Variants in SETD1B observed in about 807,000 individuals in gnomAD.
The protein encoded by SETD1B is SET domain containing 1B, histone lysine methyltransferase.
SETD1B carries 7 observed loss-of-function variants against 148.0 expected under a neutral mutation model. The ratio of observed to expected loss-of-function variants is 0.05; its 90% CI spans 0.03 to 0.09. The LOEUF is 0.09. SETD1B is among the 10% of genes least tolerant of loss of function. SETD1B has a pLI of 1.00. For synonymous variants in SETD1B, 1,361 were observed against 1,186.5 expected (o/e 1.15, Z -3.02); for missense variants, 2,155 against 2,729.9 (o/e 0.79, Z 4.69).
At chr12:121,802,071 AGAAAAACAGGGCTG>A (rs1875397564), upstream of SETD1B, 1 of 152,010 alleles carries the variant, frequency 6.6e-6, no homozygotes, top group Admixed American at 6.6e-5. Flanking sequence ...ACCAAAGACG[AGAAAAACAGGGCTG>A]TTTTTCTTCA....
chr12:121,815,073 T>G, intron 7 of SETD1B, 143 bp downstream of exon 7: 1 of 785,986 alleles, frequency 1.3e-6, no homozygotes, highest in Non-Finnish European at 2.0e-6. Context: ...TGTGGCCACT[T>G]TCAAAGTTCC....
intron 6 of SETD1B, among the ~76,000 whole-genome samples, chr12:121,812,091 G>T (rs1480709979): frequency 6.6e-6 from 1 of 151,548 alleles, no homozygotes; most frequent in Admixed American, 6.8e-5. Context: ...GGACTGCCCG[G>T]CCGCCAGCGC....
the SETD1B span, chr12:121,793,407 C>T: frequency 1.3e-6 from 2 of 1,504,706 alleles, no homozygotes; most frequent in Non-Finnish European, 1.8e-6. Flanking sequence ...CCTGTCCGTG[C>T]TCGGGACGCT....
chr12:121,799,162 T>C (rs1271939429), upstream of SETD1B: 5 of 152,250 alleles, frequency 3.3e-5, no homozygotes, highest in Non-Finnish European at 7.3e-5. Context: ...TAAGAACCAC[T>C]GATCTAGCCC....
At position 121,822,875 on chromosome 12, in the gene SETD1B, C is replaced by T. The variant is rs778285975; in HGVS notation, c.4296C>T (p.Phe1432=). ...LPRTPGRDFS[F]TPTFSEPSGP... ...GGACACCTGGCCGGGACTTCAGCTT[C>T]ACACCCACCTTCTCCGAGCCCAGCG... The change falls in exon 12 of 17, where the codon TTC becomes TTT. Residue 1432 remains phenylalanine (F), a synonymous_variant. Coordinates refer to ENST00000604567, the MANE Select transcript of SETD1B (RefSeq NM_001353345.2). 2 of 1,489,236 alleles carry T rather than the reference C, an allele frequency of 1.3e-6. No homozygotes were observed. Among genetic ancestry groups the T allele is most frequent in the East Asian group, 5.0e-5 (2 of 40,322 alleles). The allele number at this position is 1,489,236 out of a possible 1,614,324, so 92.3% of individuals were successfully genotyped here.
intron 4 of SETD1B, 35 bp downstream of exon 4, chr12:121,806,140 G>T (rs910869430): frequency 6.5e-7 from 1 of 1,541,096 alleles, no homozygotes; most frequent in Non-Finnish European, 8.8e-7. Context: ...GGGGAGACCT[G>T]TCAGCCCGAC....
intron 11 of SETD1B, among the ~76,000 whole-genome samples, chr12:121,822,267 C>T (rs1876596052): frequency 6.6e-6 from 1 of 152,122 alleles, no homozygotes; most frequent in South Asian, 2.1e-4. Context: ...GAATACATGT[C>T]TCCTGCATCT....
chr12:121,793,440 G>T, the SETD1B span: 7 of 1,531,584 alleles, frequency 4.6e-6, no homozygotes, highest in Non-Finnish European at 5.3e-6. Flanking sequence ...TCGGGGCTCT[G>T]GGCTCAGGGT....
Position 121,805,156 on chromosome 12 carries a change from C to T in SETD1B, c.213C>T (p.Pro71=), listed in dbSNP as rs1244069940. The change falls in exon 3 of 17, where the codon CCC becomes CCT. Residue 71 remains proline (P), a synonymous_variant. Transcript: ENST00000604567. The surrounding 1 kb of genome is among the most constrained non-coding windows in gnomAD (Gnocchi z 4.2). ...SNRPVEIVED[P]RVVGIWTKNK... ...GCCCGGTGGAAATTGTCGAAGATCC[C>T]CGGGTCGTCGGGATCTGGACCAAAA... The T allele has an allele frequency of 1.3e-6, 2 of 1,551,630 alleles. No individual in the cohort carries two copies. The highest frequency in any genetic ancestry group is 3.9e-5 in the Admixed American group (2 of 51,004).
In SETD1B at chr12:121,817,444, G is replaced by T; in HGVS notation, c.3052G>T (p.Gly1018Cys). Residue 1018 changes from glycine (G) to cysteine (C), a missense_variant, in exon 9 of 17, where the codon GGT becomes TGT. Physicochemically the swap from Gly to Cys is radical, Grantham distance 159. Around this residue, in one of 11 missense-constraint regions of SETD1B, gnomAD observed 289 missense variants for 423.7 expected, o/e 0.68. Transcript: ENST00000604567. This position sits in a 1 kb window ranked among gnomAD's most constrained non-coding sequence, Gnocchi z 8.1. ...CGCCAAGCGGGACCCCAAGGGCGTG[G>T]GTGTGCGGCGGCGGCCGGCGCGGCC... ...ELAKRDPKGV[G>C]VRRRPARPLE... The T allele has an allele frequency of 6.5e-7, 1 of 1,546,744 alleles. No individual in the cohort carries two copies.
rs748672393 is a variant in SETD1B, at chr12:121,828,083, C to CG, written c.5727+19dup. The CG allele has an allele frequency of 3.4e-5, 53 of 1,551,044 alleles. No individual in the cohort carries two copies. The highest frequency in any genetic ancestry group is 8.3e-5 in the South Asian group (7 of 84,022). On this transcript the variant is annotated intron_variant, in intron 16 of 16. Transcript: ENST00000604567. ...CCACAGCTGCAACGTGAGTGCCCAG[C>CG]GGGGGGTGGCCCCTGCCCCTGCTCC...
At position 121,808,984 on chromosome 12, in the gene SETD1B, C is replaced by T. The variant is rs1875878693; in HGVS notation, c.658-619C>T. On this transcript the variant is annotated intron_variant, in intron 5 of 16. Transcript: ENST00000604567. This position sits in a 1 kb window ranked among gnomAD's most constrained non-coding sequence, Gnocchi z 5.3. ...TCCTGGGCTCAAGTGATTCTCTTGCCTCAGCCTCCTGAGTAGCTGGGATTA... is the reference window on the plus strand; with the variant it reads ...TCCTGGGCTCAAGTGATTCTCTTGCTTCAGCCTCCTGAGTAGCTGGGATTA... Among the ~76,000 whole-genome samples the T allele has an allele frequency of 6.6e-6, 1 of 152,202 alleles. No individual in the cohort carries two copies. Among genetic ancestry groups the T allele is most frequent in the African/African-American group, 2.4e-5 (1 of 41,442 alleles).
Position 121,830,321 on chromosome 12 carries a change from C to T in SETD1B, c.*82C>T. On this transcript the variant is annotated 3_prime_UTR_variant, in exon 17 of 17. Coordinates refer to ENST00000604567, the MANE Select transcript of SETD1B (RefSeq NM_001353345.2). The surrounding 1 kb of genome is among the most constrained non-coding windows in gnomAD (Gnocchi z 5.7). ...AGCCCCTGGCCCCGGGGCCCGGCCC[C>T]CCGCGCCCGCCCCCATTTCAGGTGC... 7.5e-7 allele frequency: 1 copy of T among 1,338,940 alleles called. No individual in the cohort carries two copies. Among genetic ancestry groups the T allele is most frequent in the Non-Finnish European group, 1.0e-6 (1 of 992,266 alleles). 82.9% of individuals were successfully genotyped at this position (1,338,940 alleles called of 1,614,324 possible).
intron 11 of SETD1B, among the ~76,000 whole-genome samples, chr12:121,821,175 C>T (rs1227920517): frequency 2.0e-5 from 3 of 152,148 alleles, no homozygotes; most frequent in Non-Finnish European, 2.9e-5. Flanking sequence ...AATACTAAGC[C>T]TCTATTGTGT....
rs1427473898 is a variant in SETD1B at position 121,817,729 on chromosome 12, A to C, written c.3312+25A>C. On this transcript the variant is annotated intron_variant, in intron 9 of 16. Transcript: ENST00000604567. This position sits in a 1 kb window ranked among gnomAD's most constrained non-coding sequence, Gnocchi z 8.1. ...GGTGCCTAGCAGGCCAGGAAGCCTC[A>C]GGGGGCCGGGCCAGGCGACGAGGGC... is the stretch of plus-strand genomic sequence containing the variant. 2 of 1,538,568 alleles carry C rather than the reference A, an allele frequency of 1.3e-6. No individual in the cohort carries two copies. The highest frequency in any genetic ancestry group is 2.7e-5 in the African/African-American group (2 of 72,760).
chr12:121,812,222 A>G (rs1469207524), intron 6 of SETD1B, among the ~76,000 whole-genome samples: 1 of 152,038 alleles, frequency 6.6e-6, no homozygotes, highest in Non-Finnish European at 1.5e-5. Context: ...ACCCCGTCCC[A>G]TCCTAGGTGG....
chr12:121,810,240 C>T lies in SETD1B; in HGVS notation c.1295C>T (p.Pro432Leu), dbSNP rs957449856. Residue 432 changes from proline to leucine, a missense_variant, in exon 6 of 17, where the codon CCG becomes CTG. Transcript: ENST00000604567. The surrounding 1 kb of genome is among the most constrained non-coding windows in gnomAD (Gnocchi z 7.6). ...ARDSGEFRRAPAPPPLPPAEP... is the reference protein window; with the variant it reads ...ARDSGEFRRALAPPPLPPAEP... ...GACAGTGGGGAGTTCCGGAGGGCAC[C>T]GGCGCCCCCACCCCTGCCACCTGCT... The T allele has an allele frequency of 7.2e-5, 112 of 1,547,176 alleles. No homozygotes were observed. In the African/African-American group the frequency reaches 1.3e-3, roughly 18 times the overall value.
rs753984504 is a variant in SETD1B, at chr12:121,817,873, G to A, written c.3387G>A (p.Ala1129=). The change falls in exon 10 of 17, where the codon GCG becomes GCA. Residue 1129 remains alanine (A), a synonymous_variant. Transcript: ENST00000604567. This position sits in a 1 kb window ranked among gnomAD's most constrained non-coding sequence, Gnocchi z 8.1. ...ACGAGGACACAGCCCTGTCAGAGGC[G>A]AGTGAGAAGGACGAAGGGGACTCGG... is the stretch of plus-strand genomic sequence containing the variant. ...NDDEDTALSE[A]SEKDEGDSDE... is the part of the protein sequence containing the mutation. 3.9e-6 allele frequency: 6 copies of A among 1,550,744 alleles called. No homozygotes were observed. Among genetic ancestry groups the A allele is most frequent in the South Asian group, 2.4e-5 (2 of 83,970 alleles).
chr12:121,797,771 CA>C, the SETD1B span: 37 of 356,130 alleles, frequency 1.0e-4, no homozygotes, highest in African/African-American at 7.5e-4. Context: ...AACGTGAGAG[CA>C]ACGGGGTTCA....
Sources: gnomAD v4.1 joint callset for allele counts (sites outside exome capture counted in the v4.1 genomes callset) on GRCh38, gnomAD v4.1.1 for gene constraint, gnomAD v4.1.1 regional missense constraint, Gnocchi (gnomAD v3.1) non-coding constraint, MANE v1.5 for transcripts, NCBI Gene and HGNC (gene_info 2026-07-23, HGNC 2026-07-21) for gene names.